The following GRIN3A variants were observed in gnomAD, a reference collection of about 807,000 sequenced individuals.
The protein encoded by GRIN3A is glutamate ionotropic receptor NMDA type subunit 3A.
A neutral mutation model predicts 92.4 loss-of-function variants in GRIN3A; 47 were observed. The observed-to-expected ratio is 0.51, with a 90% CI of 0.40 to 0.65. GRIN3A has a LOEUF of 0.65. GRIN3A is among the 30% of genes least tolerant of loss of function. The probability of loss-of-function intolerance (pLI) is 0.00; values close to 1 mark genes in which losing one functional copy is unlikely to be tolerated. For missense variants in GRIN3A, 1,324 were observed against 1,393.1 expected, an observed-to-expected ratio of 0.95 and a Z score of 0.79; for synonymous variants, 527 against 540.6, an observed-to-expected ratio of 0.97 and a Z score of 0.35.
chr9:101,665,334 C>G (rs1829224556), intron 3 of GRIN3A, among the ~76,000 whole-genome samples: 1 of 151,794 alleles, frequency 6.6e-6, no homozygotes, highest in African/African-American at 2.4e-5. Flanking sequence ...GAGAGATTAT[C>G]TCAAGATAAC....
chr9:101,639,175 T>C (rs149028768), intron 3 of GRIN3A, among the ~76,000 whole-genome samples: 2 of 152,320 alleles, frequency 1.3e-5, no homozygotes, highest in East Asian at 3.9e-4. Flanking sequence ...AGAACCCAAC[T>C]ACCAGGTACG....
At chr9:101,662,266 G>A (rs552839954) in intron 3 of GRIN3A, among the ~76,000 whole-genome samples, 5 of 151,854 alleles carry the variant, frequency 3.3e-5, no homozygotes, top group South Asian at 2.1e-4. Context: ...TCTTGTCACC[G>A]TGTTCACCTT....
chr9:101,573,084 C>A lies in GRIN3A; in HGVS notation c.*90G>T, dbSNP rs1827781120. ...AGACCTAGACCTCAGCTTCCCCACA[C>A]CTTTGTCGATAGTTACAAAAGAGCA... On this transcript the variant is annotated 3_prime_UTR_variant, in exon 9 of 9. Coordinates refer to ENST00000361820, the MANE Select transcript of GRIN3A (RefSeq NM_133445.3). 8.6e-7 allele frequency: 1 copy of A among 1,160,616 alleles called. No homozygotes were observed. Among genetic ancestry groups the A allele is most frequent in the Non-Finnish European group, 1.3e-6 (1 of 770,006 alleles). The allele number at this position is 1,160,616 out of a possible 1,614,324, so 71.9% of individuals were successfully genotyped here.
At chr9:101,736,751 G>A (rs776790456) in intron 1 of GRIN3A, among the ~76,000 whole-genome samples, 5 of 152,116 alleles carry the variant, frequency 3.3e-5, no homozygotes, top group Non-Finnish European at 5.9e-5. Context: ...AATTCAGAGC[G>A]ATGTGCTTTC....
intron 1 of GRIN3A, among the ~76,000 whole-genome samples, chr9:101,692,898 G>A (rs1338465490): frequency 2.0e-5 from 3 of 152,074 alleles, no homozygotes; most frequent in Admixed American, 6.6e-5. Flanking sequence ...CAAGCATAAG[G>A]TGTAGTCCCT....
chr9:101,577,195 G>T (rs1827836823), intron 8 of GRIN3A, among the ~76,000 whole-genome samples: 1 of 152,148 alleles, frequency 6.6e-6, no homozygotes, highest in Non-Finnish European at 1.5e-5. Flanking sequence ...AATGAATTAG[G>T]CATGACATGT....
chr9:101,659,732 A>G (rs1829146681), intron 3 of GRIN3A, among the ~76,000 whole-genome samples: 1 of 151,862 alleles, frequency 6.6e-6, no homozygotes. Flanking sequence ...ATTAAAATAA[A>G]GGAAATGATC....
At chr9:101,692,720 T>A (rs1829635532) in intron 1 of GRIN3A, among the ~76,000 whole-genome samples, 1 of 152,194 alleles carries the variant, frequency 6.6e-6, no homozygotes, top group South Asian at 2.1e-4. Flanking sequence ...CTATCGCTTC[T>A]CCTCAGCCAA....
chr9:101,627,071 A>G (rs1191314753), intron 4 of GRIN3A, among the ~76,000 whole-genome samples: 3 of 152,160 alleles, frequency 2.0e-5, no homozygotes, highest in African/African-American at 7.2e-5. Flanking sequence ...TGCTATTTCT[A>G]TTGAGCTGGA....
At chr9:101,602,929 A>T (rs1221520954) in intron 6 of GRIN3A, 1 of 152,182 alleles carries the variant, frequency 6.6e-6, no homozygotes, top group Admixed American at 6.5e-5. Context: ...AATACAATTG[A>T]CTACATGCAA....
intron 1 of GRIN3A, among the ~76,000 whole-genome samples, chr9:101,710,203 G>A (rs1262292162): frequency 1.3e-5 from 2 of 152,080 alleles, no homozygotes; most frequent in East Asian, 1.9e-4. Context: ...AGAGATGGGT[G>A]GGTGGAAACT....
In GRIN3A at chr9:101,692,285, CTCT is replaced by C. The variant is rs567094504; in HGVS notation, c.700-5088_700-5086del. ...AGTAGAGTCCTCCCCACACCCCCAA[CTCT>C]TCTTTCTTTAGTAACAAGCTCCAGT... On this transcript the variant is annotated intron_variant, in intron 1 of 8. Transcript: ENST00000361820. Among the ~76,000 whole-genome samples the C allele has an allele frequency of 7.2e-4, 109 of 152,298 alleles. 3 individuals are homozygous for C. The highest frequency in any genetic ancestry group is 6.9e-3 in the Admixed American group (105 of 15,284).
chr9:101,639,420 T>C (rs1232932142), intron 3 of GRIN3A, among the ~76,000 whole-genome samples: 1 of 152,146 alleles, frequency 6.6e-6, no homozygotes. Context: ...ATTGACTTGC[T>C]ATACAGCCAA....
rs1401716042 is a variant in GRIN3A at position 101,569,902 on chromosome 9, A to C, written c.*3272T>G. The stretch of plus-strand genomic sequence containing the variant: ...ACCAACACTGAGAAGTCTGTTACCC[A>C]GATGATAAGGTCTGTTCTGCTTGGC... On this transcript the variant is annotated 3_prime_UTR_variant, in exon 9 of 9. Transcript: ENST00000361820. 6.6e-6 allele frequency: 1 copy of C among 152,166 alleles called. No homozygotes were observed. The highest frequency in any genetic ancestry group is 6.5e-5 in the Admixed American group (1 of 15,270). 9.4% of individuals were successfully genotyped at this position (152,166 alleles called of 1,614,324 possible).
intron 6 of GRIN3A, among the ~76,000 whole-genome samples, chr9:101,601,335 C>T (rs1828208248): frequency 6.6e-6 from 1 of 152,078 alleles, no homozygotes; most frequent in South Asian, 2.1e-4. Flanking sequence ...ACAACTTAAT[C>T]ACAATTATAT....
chr9:101,718,778 T>G (rs898630965), intron 1 of GRIN3A, among the ~76,000 whole-genome samples: 33 of 152,180 alleles, frequency 2.2e-4, no homozygotes, highest in African/African-American at 7.2e-4. Context: ...ACCTAGAAAT[T>G]TCCTCTTTTA....
chr9:101,685,480 A>G (rs1418731296), intron 2 of GRIN3A, among the ~76,000 whole-genome samples: 1 of 151,932 alleles, frequency 6.6e-6, no homozygotes, highest in Non-Finnish European at 1.5e-5. Context: ...TCGTCTTTGA[A>G]GAAATAATAA....
intron 1 of GRIN3A, among the ~76,000 whole-genome samples, chr9:101,689,943 A>T (rs1253024429): frequency 2.6e-5 from 4 of 152,198 alleles, no homozygotes; most frequent in Non-Finnish European, 5.9e-5. Flanking sequence ...CTGAAAGAAG[A>T]TATAAAGATT....
chr9:101,611,089 G>T (rs1195298765), intron 6 of GRIN3A, among the ~76,000 whole-genome samples: 1 of 143,824 alleles, frequency 7.0e-6, no homozygotes, highest in Non-Finnish European at 1.5e-5. Flanking sequence ...CAGTGTGAGA[G>T]TCTGTCTCAA....
Sources: gnomAD v4.1 joint callset for allele counts (sites outside exome capture counted in the v4.1 genomes callset) on GRCh38, gnomAD v4.1.1 for gene constraint, MANE v1.5 for transcripts, NCBI Gene and HGNC (gene_info 2026-07-23, HGNC 2026-07-21) for gene names.